Variants in ENOSF1 observed in about 807,000 individuals in gnomAD.
ENOSF1 encodes the protein mitochondrial enolase superfamily member 1.
Under a neutral mutation model 68.2 loss-of-function variants are expected in ENOSF1, and 73 were observed. That is an observed-to-expected ratio of 1.07 (90% CI 0.89 to 1.30). The LOEUF (loss-of-function observed/expected upper bound fraction) is 1.30, where lower values mean the gene tolerates loss of function less well. Among genes scored for constraint, ENOSF1 ranks in the 50% most tolerant of loss-of-function variants. The pLI, the probability that ENOSF1 is intolerant of heterozygous loss-of-function variation, is 0.00. For synonymous variants in ENOSF1, 223 were observed against 210.4 expected (o/e 1.06, Z -0.52); for missense variants, 589 against 554.5 (o/e 1.06, Z -0.62).
rs1421521274 is a variant in ENOSF1 at position 671,715 on chromosome 18, T to C, written c.*2590A>G. 2.0e-6 allele frequency: 1 copy of C among 495,378 alleles called. No homozygotes were observed. The highest frequency in any genetic ancestry group is 3.5e-6 in the Non-Finnish European group (1 of 283,480). 30.7% of individuals were successfully genotyped at this position (495,378 alleles called of 1,614,324 possible). On this transcript the variant is annotated 3_prime_UTR_variant, in exon 16 of 16. Transcript: ENST00000647584. ...GAAGAGCCACATTCAAGCCAGGGGA[T>C]TGTCCAAAAGGGGGCATTTTAACTC...
intron 11 of ENOSF1, among the ~76,000 whole-genome samples, chr18:682,560 G>GA (rs1347679731): frequency 6.6e-6 from 1 of 151,688 alleles, no homozygotes; most frequent in Non-Finnish European, 1.5e-5. Flanking sequence ...GCGTGTAGGA[G>GA]AAAAAAAATT....
intron 10 of ENOSF1, among the ~76,000 whole-genome samples, chr18:684,151 A>G (rs1013070025): frequency 7.3e-5 from 11 of 151,414 alleles, no homozygotes; most frequent in African/African-American, 2.2e-4. Context: ...CCACCACCAC[A>G]CCAGGCTATT....
the ENOSF1 span, among the ~76,000 whole-genome samples, chr18:663,613 A>T: frequency 2.4e-5 from 2 of 83,062 alleles, no homozygotes; most frequent in African/African-American, 8.4e-5. Flanking sequence ...CTGAATGGTA[A>T]TGCCTAGGTT....
intron 2 of ENOSF1, among the ~76,000 whole-genome samples, 159 bp downstream of exon 2, chr18:706,307 TAACA>T (rs2078928485): frequency 9.4e-6 from 1 of 106,060 alleles, no homozygotes; most frequent in African/African-American, 4.3e-5. Context: ...GTGAAACAAG[TAACA>T]AACCATGAAA....
In ENOSF1 at chr18:671,213, G is replaced by A. The variant is rs1050517545; in HGVS notation, c.*3092C>T. 1.9e-5 allele frequency: 12 copies of A among 638,798 alleles called. No individual in the cohort carries two copies. The highest frequency in any genetic ancestry group is 2.8e-5 in the Non-Finnish European group (10 of 363,292). 39.6% of individuals were successfully genotyped at this position (638,798 alleles called of 1,614,324 possible). On this transcript the variant is annotated 3_prime_UTR_variant, in exon 16 of 16. Transcript: ENST00000647584. ...GCTTGAGGTCTGGAGTTCAATACCA[G>A]CCTGGGCAACATAACAAGATGCTGT...
downstream of ENOSF1, among the ~76,000 whole-genome samples, chr18:666,975 A>C (rs375198236): frequency 6.7e-4 from 10 of 14,990 alleles, no homozygotes; most frequent in African/African-American, 4.8e-3. Flanking sequence ...ATGGTGATGG[A>C]GATGGAGATG....
chr18:697,037 A>T (rs1443960003), intron 3 of ENOSF1, among the ~76,000 whole-genome samples: 1 of 152,138 alleles, frequency 6.6e-6, no homozygotes, highest in Non-Finnish European at 1.5e-5. Flanking sequence ...GAACTGTTTG[A>T]ACCCAGGAGG....
intron 2 of ENOSF1, among the ~76,000 whole-genome samples, chr18:705,962 T>C (rs1023139798): frequency 1.3e-5 from 2 of 152,024 alleles, no homozygotes; most frequent in African/African-American, 4.8e-5. Context: ...TGAGCTGAGA[T>C]TGTGCCACTG....
intron 5 of ENOSF1, chr18:692,596 TAA>T (rs201965262): frequency 9.0e-3 from 4,482 of 496,438 alleles, no homozygotes; most frequent in Middle Eastern, 0.015. Flanking sequence ...AAACTCCGTC[TAA>T]AAAAAAAAAA....
At position 674,275 on chromosome 18, in the gene ENOSF1, A is replaced by G. The variant is rs1336647869; in HGVS notation, c.*30T>C. 6.7e-7 allele frequency: 1 copy of G among 1,489,922 alleles called. No homozygotes were observed. Among genetic ancestry groups the G allele is most frequent in the African/African-American group, 1.4e-5 (1 of 70,190 alleles). 92.3% of individuals were successfully genotyped at this position (1,489,922 alleles called of 1,614,324 possible). ...AAGAAATTTTAAGCCCTTTCACTTC[A>G]GAAAGAAAAAAGTTGTTGGGGCTGA... is the stretch of plus-strand genomic sequence containing the variant. On this transcript the variant is annotated 3_prime_UTR_variant, in exon 16 of 16. Transcript: ENST00000647584.
chr18:693,957 A>T (rs950624073), intron 4 of ENOSF1, 49 bp from the exon 5 acceptor site: 1 of 1,597,272 alleles, frequency 6.3e-7, no homozygotes, highest in Non-Finnish European at 8.5e-7. Context: ...TAAAGTCCCC[A>T]TTTTTTCCTG....
At chr18:680,441 T>G (rs2075963306) in intron 11 of ENOSF1, among the ~76,000 whole-genome samples, 1 of 152,230 alleles carries the variant, frequency 6.6e-6, no homozygotes, top group South Asian at 2.1e-4. Context: ...TAAGCATATA[T>G]GGCAGACTAG....
intron 1 of ENOSF1, among the ~76,000 whole-genome samples, chr18:707,178 A>G (rs1259678920): frequency 6.6e-6 from 1 of 151,940 alleles, no homozygotes; most frequent in Non-Finnish European, 1.5e-5. Context: ...GCTCAATTTT[A>G]TTTACTTATT....
At chr18:680,583 A>C (rs955175565) in intron 11 of ENOSF1, among the ~76,000 whole-genome samples, 2 of 150,446 alleles carry the variant, frequency 1.3e-5, no homozygotes, top group African/African-American at 2.4e-5. Flanking sequence ...CTCCCTGCCC[A>C]TTCCTCACCT....
intron 15 of ENOSF1, 117 bp from the exon 16 acceptor site, chr18:674,523 ATTTT>A (rs113915772): frequency 5.4e-6 from 3 of 554,704 alleles, no homozygotes; most frequent in African/African-American, 4.0e-5. Flanking sequence ...CAATTAATTA[ATTTT>A]TTTTTTTTTG....
chr18:698,908 C>T (rs1305679643), intron 2 of ENOSF1, among the ~76,000 whole-genome samples: 1 of 152,146 alleles, frequency 6.6e-6, no homozygotes, highest in Non-Finnish European at 1.5e-5. Flanking sequence ...AGGCCTGAGA[C>T]ACTGCACCCA....
At chr18:710,641 G>C (rs1004091437) in intron 1 of ENOSF1, among the ~76,000 whole-genome samples, 2 of 152,196 alleles carry the variant, frequency 1.3e-5, no homozygotes, top group African/African-American at 4.8e-5. Flanking sequence ...CCTCCACTTA[G>C]GATTAGAGGT....
rs201722712 is a variant in ENOSF1 at position 683,293 on chromosome 18, C to T, written c.829G>A (p.Glu277Lys). ...AGAATGTCATCAGGGGAGGTTGGCT[C>T]CTCAATCCACAATGGCTTGAACTTG... ...LAKFKPLWIE[E>K]PTSPDDILGH... is the part of the protein sequence containing the mutation. Residue 277 changes from glutamate to lysine, a missense_variant, in exon 11 of 16, where the codon GAG (glutamate) becomes AAG (lysine). Coordinates refer to ENST00000647584, the MANE Select transcript of ENOSF1 (RefSeq NM_017512.7). 129 of 1,614,078 alleles carry T rather than the reference C, an allele frequency of 8.0e-5. No individual in the cohort carries two copies. The highest frequency in any genetic ancestry group is 9.6e-5 in the Non-Finnish European group (113 of 1,180,002).
chr18:700,303 G>A (rs2078197760), intron 2 of ENOSF1, among the ~76,000 whole-genome samples: 1 of 152,178 alleles, frequency 6.6e-6, no homozygotes, highest in Non-Finnish European at 1.5e-5. Flanking sequence ...ACTTCTTGAA[G>A]GTTGATGCTC....
Sources: gnomAD v4.1 joint callset for allele counts (sites outside exome capture counted in the v4.1 genomes callset) on GRCh38, gnomAD v4.1.1 for gene constraint, MANE v1.5 for transcripts, NCBI Gene and HGNC (gene_info 2026-07-23, HGNC 2026-07-21) for gene names.